ADAMTS2: variants seen among roughly 807,000 people sequenced by gnomAD.
ADAMTS2 encodes the protein ADAM metallopeptidase with thrombospondin type 1 motif 2.
ADAMTS2 carries 50 observed loss-of-function variants against 123.0 expected under a neutral mutation model. That is an observed-to-expected ratio of 0.41 (90% CI 0.32 to 0.51). The LOEUF (loss-of-function observed/expected upper bound fraction) is 0.51. ADAMTS2 is among the 20% of genes least tolerant of loss of function. The pLI, the probability that ADAMTS2 is intolerant of heterozygous loss-of-function variation, is 0.35. For missense variants in ADAMTS2, 1,494 were observed against 1,705.2 expected (o/e 0.88, Z 2.18); for synonymous variants, 678 against 695.4 (o/e 0.98, Z 0.39).
chr5:179,213,958 T>C (rs962075862), intron 3 of ADAMTS2, among the ~76,000 whole-genome samples: 2 of 152,220 alleles, frequency 1.3e-5, no homozygotes, highest in African/African-American at 2.4e-5. Context: ...ATAGAAACTA[T>C]TTGAATTAAT....
intron 4 of ADAMTS2, among the ~76,000 whole-genome samples, chr5:179,193,952 A>G: frequency 6.6e-6 from 1 of 152,308 alleles, no homozygotes; most frequent in African/African-American, 2.4e-5. Context: ...GTGGCACATC[A>G]TCGCCTCTGT....
Position 179,188,363 on chromosome 5 carries a change from G to C in ADAMTS2, c.892-7208C>G, listed in dbSNP as rs1289323079. 1.3e-5 allele frequency among the ~76,000 whole-genome samples: 2 copies of C among 152,150 alleles called. No individual in the cohort carries two copies. The highest frequency in any genetic ancestry group is 6.5e-5 in the Admixed American group (1 of 15,286). ...TGTGCCCCTTCGGAGGCCAGGCTTGGACCACCAGGATGGAGGCAGAGAAGA... is the reference window on the plus strand; with the variant it reads ...TGTGCCCCTTCGGAGGCCAGGCTTGCACCACCAGGATGGAGGCAGAGAAGA... On this transcript the variant is annotated intron_variant, in intron 4 of 21. Transcript: ENST00000251582. The surrounding 1 kb of genome is among the most constrained non-coding windows in gnomAD (Gnocchi z 5.1).
At chr5:179,223,401 C>CAT (rs1326887099) in intron 3 of ADAMTS2, among the ~76,000 whole-genome samples, 9 of 149,936 alleles carry the variant, frequency 6.0e-5, no homozygotes, top group South Asian at 2.1e-4. Flanking sequence ...CTCACACACA[C>CAT]GCATGCAGTC....
chr5:179,187,475 C>A (rs1434604003), intron 4 of ADAMTS2, among the ~76,000 whole-genome samples: 1 of 152,230 alleles, frequency 6.6e-6, no homozygotes, highest in Non-Finnish European at 1.5e-5. Flanking sequence ...TAAACATTTG[C>A]TGAATGAATG....
intron 5 of ADAMTS2, among the ~76,000 whole-genome samples, chr5:179,169,947 T>C (rs1248343491): frequency 1.3e-5 from 2 of 152,216 alleles, no homozygotes; most frequent in African/African-American, 4.8e-5. Context: ...TTGCTTTGAT[T>C]TTCATCATCC....
In ADAMTS2 at chr5:179,114,070, T is replaced by A. The variant is rs1272405803; in HGVS notation, c.3433A>T (p.Asn1145Tyr). 1 of 1,614,070 alleles carries A rather than the reference T, an allele frequency of 6.2e-7. No individual in the cohort carries two copies. The highest frequency in any genetic ancestry group is 2.2e-5 in the East Asian group (1 of 44,858). ...SPSTPLEVPLNASSTNATEDH... is the reference protein window; with the variant it reads ...SPSTPLEVPLYASSTNATEDH... The stretch of plus-strand genomic sequence containing the variant: ...TCTGTGGCATTGGTGCTGGAGGCAT[T>A]GAGAGGGACCTCCAGGGGGGTGCTT... Residue 1145 changes from asparagine (N) to tyrosine (Y), a missense_variant, in exon 22 of 22, where the codon AAT (asparagine) becomes TAT (tyrosine). Transcript: ENST00000251582.
At position 179,118,307 on chromosome 5, in the gene ADAMTS2, C is replaced by T. The variant is rs983922658; in HGVS notation, c.3178+3354G>A. On this transcript the variant is annotated intron_variant, in intron 21 of 21. Transcript: ENST00000251582. This position sits in a 1 kb window ranked among gnomAD's most constrained non-coding sequence, Gnocchi z 4.5. ...GTTTGTACATTTTTAAGTATCATCA[C>T]GGACCACAGAGAAGAGTGATGCACC... 6.6e-6 allele frequency among the ~76,000 whole-genome samples: 1 copy of T among 152,100 alleles called. No individual in the cohort carries two copies. Among genetic ancestry groups the T allele is most frequent in the Non-Finnish European group, 1.5e-5 (1 of 68,024 alleles).
chr5:179,283,950 T>TTATTAG, intron 2 of ADAMTS2, among the ~76,000 whole-genome samples: 1 of 90,658 alleles, frequency 1.1e-5, no homozygotes, highest in South Asian at 2.8e-4. Context: ...CAGATGATTA[T>TTATTAG]TATTATTATT....
chr5:179,153,922 C>T (rs1305003935), intron 8 of ADAMTS2, 127 bp downstream of exon 8: 14 of 1,321,746 alleles, frequency 1.1e-5, no homozygotes, highest in Non-Finnish European at 1.1e-5. Flanking sequence ...CTCTCTCCTC[C>T]CCCGCACACA....
rs188219935 is a variant in ADAMTS2, at chr5:179,228,169, C to A, written c.689-20454G>T. Among the ~76,000 whole-genome samples the A allele has an allele frequency of 1.3e-5, 2 of 152,138 alleles. No individual in the cohort carries two copies. The highest frequency in any genetic ancestry group is 2.1e-4 in the South Asian group (1 of 4,822). ...GCACAGAGAGAGGGTGGGCCGGAGG[C>A]CCCAGGTGTGGGCGGCCTCCAGGAT... On this transcript the variant is annotated intron_variant, in intron 3 of 21. Coordinates refer to ENST00000251582, the MANE Select transcript of ADAMTS2 (RefSeq NM_014244.5). The surrounding 1 kb of genome is among the most constrained non-coding windows in gnomAD (Gnocchi z 5.2).
At chr5:179,140,940 C>G (rs1763155529) in intron 10 of ADAMTS2, among the ~76,000 whole-genome samples, 1 of 151,228 alleles carries the variant, frequency 6.6e-6, no homozygotes, top group Non-Finnish European at 1.5e-5. Flanking sequence ...GCTGGGATTA[C>G]AGGTGTCCAC....
At position 179,308,046 on chromosome 5, in the gene ADAMTS2, G is replaced by A. The variant is rs755626090; in HGVS notation, c.535-34982C>T. 1.3e-5 allele frequency among the ~76,000 whole-genome samples: 2 copies of A among 152,120 alleles called. No homozygotes were observed. The highest frequency in any genetic ancestry group is 2.4e-5 in the African/African-American group (1 of 41,406). ...AGTACGGGAGGTCGCCGGCCCTCCC[G>A]AGGCTCCCTTCCCCTACTTCAGGAT... On this transcript the variant is annotated intron_variant, in intron 2 of 21. Coordinates refer to ENST00000251582, the MANE Select transcript of ADAMTS2 (RefSeq NM_014244.5). This position sits in a 1 kb window ranked among gnomAD's most constrained non-coding sequence, Gnocchi z 6.6.
intron 4 of ADAMTS2, among the ~76,000 whole-genome samples, chr5:179,193,708 C>T (rs933683679): frequency 4.6e-5 from 7 of 152,162 alleles, no homozygotes; most frequent in Non-Finnish European, 8.8e-5. Context: ...GCACCTACTA[C>T]GTGCCAGGCC....
At chr5:179,281,685 T>C (rs1280426246) in intron 2 of ADAMTS2, among the ~76,000 whole-genome samples, 2 of 152,220 alleles carry the variant, frequency 1.3e-5, no homozygotes, top group Non-Finnish European at 2.9e-5. Flanking sequence ...TGTGTTTTCA[T>C]TCCTCTCAAA....
chr5:179,243,116 C>A (rs1357944780), intron 3 of ADAMTS2, among the ~76,000 whole-genome samples: 3 of 146,950 alleles, frequency 2.0e-5, no homozygotes, highest in African/African-American at 7.6e-5. Context: ...TCTATGAGAA[C>A]AACAACCTGA....
chr5:179,330,028 AGGC>A (rs1253631179), intron 2 of ADAMTS2, among the ~76,000 whole-genome samples: 1 of 149,406 alleles, frequency 6.7e-6, no homozygotes, highest in Non-Finnish European at 1.5e-5. Context: ...CGGGAGGCTG[AGGC>A]AGGAGAATGG....
rs1329446372 is a variant in ADAMTS2 at position 179,256,723 on chromosome 5, C to A, written c.688+16188G>T. Among the ~76,000 whole-genome samples the A allele has an allele frequency of 6.6e-6, 1 of 152,240 alleles. No homozygotes were observed. Among genetic ancestry groups the A allele is most frequent in the Non-Finnish European group, 1.5e-5 (1 of 68,046 alleles). Reference sequence around the variant, plus strand: ...GAGGCACAGAGCCTCCCACCCAGTGCTGCTGGCAGGAACACGCCCAGGGTG... The same window carrying A: ...GAGGCACAGAGCCTCCCACCCAGTGATGCTGGCAGGAACACGCCCAGGGTG... On this transcript the variant is annotated intron_variant, in intron 3 of 21. Coordinates refer to ENST00000251582, the MANE Select transcript of ADAMTS2 (RefSeq NM_014244.5). This position sits in a 1 kb window ranked among gnomAD's most constrained non-coding sequence, Gnocchi z 4.1.
rs924481014 is a variant in ADAMTS2, at chr5:179,155,168, C to T, written c.1133-249G>A. ...GTGGCCGTTCTGCCTGTAACAGCCA[C>T]ACTGCAGCTGGGGCCCTCTGCTTAG... On this transcript the variant is annotated intron_variant, in intron 6 of 21. Transcript: ENST00000251582. This position sits in a 1 kb window ranked among gnomAD's most constrained non-coding sequence, Gnocchi z 5.1. 6.6e-6 allele frequency among the ~76,000 whole-genome samples: 1 copy of T among 152,232 alleles called. No individual in the cohort carries two copies. The highest frequency in any genetic ancestry group is 1.5e-5 in the Non-Finnish European group (1 of 68,030).
intron 3 of ADAMTS2, among the ~76,000 whole-genome samples, chr5:179,255,323 CA>C: frequency 6.6e-6 from 1 of 152,236 alleles, no homozygotes; most frequent in Non-Finnish European, 1.5e-5. Flanking sequence ...AACCGGGTAA[CA>C]AAGTCAGAGG....
Sources: gnomAD v4.1 joint callset for allele counts (sites outside exome capture counted in the v4.1 genomes callset) on GRCh38, gnomAD v4.1.1 for gene constraint, Gnocchi (gnomAD v3.1) non-coding constraint, MANE v1.5 for transcripts, NCBI Gene and HGNC (gene_info 2026-07-23, HGNC 2026-07-21) for gene names.